The following SPOCK1 variants were observed in gnomAD, a reference collection of about 807,000 sequenced individuals.
SPOCK1 encodes the protein SPARC (osteonectin), cwcv and kazal like domains proteoglycan 1, also known as testican-1.
SPOCK1 carries 23 observed loss-of-function variants against 55.3 expected under a neutral mutation model. That is an observed-to-expected ratio of 0.42 (90% CI 0.30 to 0.59). The LOEUF (loss-of-function observed/expected upper bound fraction) is 0.59, where lower values mean the gene tolerates loss of function less well. SPOCK1 is among the 20% of genes least tolerant of loss of function. SPOCK1 has a pLI of 0.22. For missense variants in SPOCK1, 499 were observed against 552.5 expected, an observed-to-expected ratio of 0.90 and a Z score of 0.97; for synonymous variants, 226 against 221.0, an observed-to-expected ratio of 1.02 and a Z score of -0.20.
At chr5:137,180,462 A>G (rs540907945) in intron 3 of SPOCK1, among the ~76,000 whole-genome samples, 1 of 152,220 alleles carries the variant, frequency 6.6e-6, no homozygotes, top group East Asian at 1.9e-4. Flanking sequence ...TGAGCTATAC[A>G]TTAGTATCCC....
In SPOCK1 at chr5:137,067,762, G is replaced by C. The variant is rs766412030; in HGVS notation, c.542C>G (p.Pro181Arg). The part of the protein sequence containing the change: ...SLATLCDGPC[P>R]CLPEPEPPKH... ...TGGTGGCTCAGGCTCTGGGAGACAG[G>C]GACAGGGCCCATCACAGAGGGTGGC... Residue 181 changes from proline to arginine, a missense_variant, in exon 6 of 11, where the codon CCC becomes CGC. Around this residue, in one of 3 missense-constraint regions of SPOCK1, gnomAD observed 386 missense variants for 400.6 expected, o/e 0.96. Transcript: ENST00000394945. 1.2e-6 allele frequency: 2 copies of C among 1,614,128 alleles called. No homozygotes were observed. Among genetic ancestry groups the C allele is most frequent in the East Asian group, 4.5e-5 (2 of 44,872 alleles).
intron 3 of SPOCK1, among the ~76,000 whole-genome samples, chr5:137,213,207 G>A (rs753374846): frequency 8.5e-5 from 13 of 152,144 alleles, no homozygotes; most frequent in Non-Finnish European, 1.5e-4. Flanking sequence ...CCTTTACTGA[G>A]CACTTGCTTT....
intron 2 of SPOCK1, among the ~76,000 whole-genome samples, chr5:137,271,108 G>A (rs1442010754): frequency 6.6e-6 from 1 of 152,022 alleles, no homozygotes; most frequent in African/African-American, 2.4e-5. Flanking sequence ...AGGAGGGTTG[G>A]TGTTAGTGGG....
At chr5:137,138,275 T>C (rs1262461329) in intron 4 of SPOCK1, among the ~76,000 whole-genome samples, 1 of 152,116 alleles carries the variant, frequency 6.6e-6, no homozygotes, top group South Asian at 2.1e-4. Context: ...AGGATTACAA[T>C]TTTCAACACA....
In SPOCK1 at chr5:136,995,875, C is replaced by T. The variant is rs1172828645; in HGVS notation, c.590-3275G>A. On this transcript the variant is annotated intron_variant, in intron 6 of 10. Coordinates refer to ENST00000394945, the MANE Select transcript of SPOCK1 (RefSeq NM_004598.4). ...CTAGCAGGGAGCCACTGGTGTGGGT[C>T]GAGAGAGATCAGAAACCCGAAATGG... is the stretch of plus-strand genomic sequence containing the variant. Among the ~76,000 whole-genome samples the T allele has an allele frequency of 4.6e-5, 7 of 152,220 alleles. 1 individual carries two copies. The highest frequency in any genetic ancestry group is 2.4e-5 in the African/African-American group (1 of 41,530).
chr5:137,070,846 A>G (rs114977042), intron 5 of SPOCK1, among the ~76,000 whole-genome samples: 2,363 of 152,162 alleles, frequency 0.016, 60 homozygotes, highest in African/African-American at 0.054. Flanking sequence ...CCTGGTGGCC[A>G]TCTCTGCAGG....
chr5:137,466,014 T>C (rs997182812), intron 2 of SPOCK1, among the ~76,000 whole-genome samples: 3 of 152,210 alleles, frequency 2.0e-5, no homozygotes, highest in Non-Finnish European at 2.9e-5. Context: ...ATAAATGAGA[T>C]AAAATGGAAC....
intron 2 of SPOCK1, chr5:137,313,334 G>T: frequency 3.7e-6 from 3 of 800,512 alleles, no homozygotes; most frequent in Non-Finnish European, 4.5e-6. Flanking sequence ...TAGGGATGAG[G>T]TATGGGCACA....
chr5:137,156,603 CA>C (rs1309543236), intron 3 of SPOCK1, among the ~76,000 whole-genome samples: 3 of 152,114 alleles, frequency 2.0e-5, no homozygotes, highest in African/African-American at 7.2e-5. Flanking sequence ...GGTGAATATA[CA>C]TGTTGAAAAG....
intron 3 of SPOCK1, among the ~76,000 whole-genome samples, chr5:137,180,216 C>T (rs1754943539): frequency 6.6e-6 from 1 of 152,160 alleles, no homozygotes; most frequent in Non-Finnish European, 1.5e-5. Context: ...AGGCACACAG[C>T]ACATGCAAGC....
chr5:137,300,507 T>C (rs921768807), intron 2 of SPOCK1, among the ~76,000 whole-genome samples: 3 of 152,164 alleles, frequency 2.0e-5, no homozygotes, highest in South Asian at 2.1e-4. Flanking sequence ...AATTTTTATT[T>C]TTATGTTCCA....
intron 2 of SPOCK1, among the ~76,000 whole-genome samples, chr5:137,426,639 A>T (rs1424872421): frequency 6.6e-6 from 1 of 152,156 alleles, no homozygotes; most frequent in African/African-American, 2.4e-5. Context: ...GTTTCCTCAA[A>T]CATCATATAC....
At chr5:137,116,900 CT>C (rs1753595912) in intron 4 of SPOCK1, among the ~76,000 whole-genome samples, 1 of 152,144 alleles carries the variant, frequency 6.6e-6, no homozygotes, top group Non-Finnish European at 1.5e-5. Context: ...CTCCATCCAC[CT>C]TTCTCTGTGG....
At chr5:137,121,570 A>G (rs2127038154) in intron 4 of SPOCK1, among the ~76,000 whole-genome samples, 1 of 147,676 alleles carries the variant, frequency 6.8e-6, no homozygotes, top group South Asian at 2.1e-4. Context: ...ATTTAAATAT[A>G]TAATTTGTAT....
chr5:137,081,281 A>G (rs1462279476), intron 5 of SPOCK1, among the ~76,000 whole-genome samples: 2 of 152,244 alleles, frequency 1.3e-5, no homozygotes, highest in Non-Finnish European at 2.9e-5. Flanking sequence ...GACTTCACAG[A>G]TCAGGGAGAA....
intron 7 of SPOCK1, 23 bp from the exon 8 acceptor site, chr5:136,988,666 C>A: frequency 6.3e-7 from 1 of 1,597,628 alleles, no homozygotes; most frequent in Non-Finnish European, 8.6e-7. Context: ...AGGCATATCT[C>A]AGCTGCCACC....
At chr5:137,108,432 C>A (rs954815273) in intron 5 of SPOCK1, among the ~76,000 whole-genome samples, 13 of 152,210 alleles carry the variant, frequency 8.5e-5, no homozygotes, top group African/African-American at 2.4e-4. Flanking sequence ...GACTAGCACA[C>A]TAATGCCAAG....
chr5:137,233,705 G>A (rs1756116301), intron 3 of SPOCK1, among the ~76,000 whole-genome samples: 1 of 130,954 alleles, frequency 7.6e-6, no homozygotes, highest in South Asian at 2.4e-4. Flanking sequence ...TTAGTATGAG[G>A]ATATGCACTT....
intron 2 of SPOCK1, among the ~76,000 whole-genome samples, chr5:137,283,208 C>T (rs777748765): frequency 2.4e-4 from 37 of 152,284 alleles, no homozygotes; most frequent in Non-Finnish European, 4.9e-4. Context: ...TTTGCCTCTA[C>T]CTCCCAGTGG....
Sources: allele counts gnomAD v4.1 joint callset (sites outside exome capture counted in the v4.1 genomes callset), GRCh38; gene constraint gnomAD v4.1.1; regional missense constraint gnomAD v4.1.1; transcripts MANE v1.5; gene names NCBI Gene and HGNC (gene_info 2026-07-23, HGNC 2026-07-21).